STXBP5L: variants seen among roughly 807,000 people sequenced by gnomAD.
STXBP5L encodes the protein syntaxin binding protein 5L.
A neutral mutation model predicts 144.5 loss-of-function variants in STXBP5L; 65 were observed. The observed-to-expected ratio is 0.45, with a 90% CI of 0.37 to 0.55. STXBP5L has a LOEUF of 0.55. Ranked by LOEUF, STXBP5L falls within the 20% of genes least tolerant of loss-of-function variation. The pLI, the probability that STXBP5L is intolerant of heterozygous loss-of-function variation, is 0.00. For missense variants in STXBP5L, 1,298 were observed against 1,405.5 expected (o/e 0.92, Z 1.22); for synonymous variants, 505 against 469.6 (o/e 1.08, Z -0.97).
At chr3:121,304,093 A>C (rs530602076) in intron 19 of STXBP5L, among the ~76,000 whole-genome samples, 17 of 152,258 alleles carry the variant, frequency 1.1e-4, no homozygotes, top group Non-Finnish European at 2.1e-4. Flanking sequence ...ATCCCCAAAA[A>C]AGCTGATATG....
intron 5 of STXBP5L, chr3:121,099,238 C>A (rs986433995): frequency 6.6e-6 from 1 of 152,166 alleles, no homozygotes; most frequent in African/African-American, 2.4e-5. Flanking sequence ...GTTCAGTGAA[C>A]TTTTATGATA....
chr3:121,148,455 C>G (rs1250488776), intron 7 of STXBP5L, among the ~76,000 whole-genome samples: 1 of 152,094 alleles, frequency 6.6e-6, no homozygotes, highest in Non-Finnish European at 1.5e-5. Context: ...TCTCTTGGTA[C>G]ACTAGGGAAA....
chr3:121,072,091 A>G (rs1207737399), intron 5 of STXBP5L, among the ~76,000 whole-genome samples: 3 of 152,184 alleles, frequency 2.0e-5, no homozygotes, highest in African/African-American at 7.2e-5. Flanking sequence ...TATTTCTGTC[A>G]CAAATGCTGG....
At chr3:120,990,658 C>G (rs193141053) in intron 3 of STXBP5L, among the ~76,000 whole-genome samples, 15,098 of 151,990 alleles carry the variant, frequency 0.099, 1,181 homozygotes, top group Admixed American at 0.2. Flanking sequence ...CAGAACAGAG[C>G]CCTCAGAAAT....
intron 20 of STXBP5L, among the ~76,000 whole-genome samples, chr3:121,362,446 A>AGT (rs1576288201): frequency 6.6e-6 from 1 of 152,136 alleles, no homozygotes; most frequent in East Asian, 1.9e-4. Flanking sequence ...CTCAAAACAC[A>AGT]AGACAGAGTC....
At chr3:121,081,020 C>T (rs2042226368) in intron 5 of STXBP5L, among the ~76,000 whole-genome samples, 1 of 152,104 alleles carries the variant, frequency 6.6e-6, no homozygotes. Flanking sequence ...GGCTGTTTAA[C>T]ATAATCTCAT....
intron 10 of STXBP5L, among the ~76,000 whole-genome samples, chr3:121,222,089 C>T (rs990891214): frequency 2.0e-5 from 3 of 151,890 alleles, no homozygotes; most frequent in African/African-American, 7.2e-5. Context: ...ACAATAAAAG[C>T]CTCTAGGTCT....
rs192519847 is a variant in STXBP5L, at chr3:121,275,859, G to C, written c.1959-3946G>C. On this transcript the variant is annotated intron_variant, in intron 18 of 26. Coordinates refer to ENST00000471454, the MANE Select transcript of STXBP5L (RefSeq NM_001308330.2). Reference sequence around the variant, plus strand: ...TCGTTTCAGCATTTTTTAAATTAGTGTTTTCATTGTAAATGTTTTCCATCA... The same window carrying C: ...TCGTTTCAGCATTTTTTAAATTAGTCTTTTCATTGTAAATGTTTTCCATCA... 2.0e-3 allele frequency among the ~76,000 whole-genome samples: 304 copies of C among 152,042 alleles called. 2 individuals carry two copies. Among genetic ancestry groups the C allele is most frequent in the Middle Eastern group, 0.014 (4 of 294 alleles).
chr3:120,968,446 C>A (rs1229185824), intron 3 of STXBP5L, among the ~76,000 whole-genome samples: 1 of 152,052 alleles, frequency 6.6e-6, no homozygotes, highest in Admixed American at 6.6e-5. Flanking sequence ...CTTCCATTTG[C>A]ATGTAATATC....
At chr3:121,002,121 T>A (rs953137199) in intron 3 of STXBP5L, among the ~76,000 whole-genome samples, 1 of 152,194 alleles carries the variant, frequency 6.6e-6, no homozygotes, top group Non-Finnish European at 1.5e-5. Flanking sequence ...TATTTGAGGA[T>A]CCTTTTTACT....
intron 22 of STXBP5L, among the ~76,000 whole-genome samples, chr3:121,386,243 C>T (rs2046423426): frequency 6.6e-6 from 1 of 152,088 alleles, no homozygotes. Flanking sequence ...TTGGAGTTAC[C>T]AGTATCTCTT....
At chr3:121,279,625 A>G (rs533572573) in intron 18 of STXBP5L, among the ~76,000 whole-genome samples, 180 bp from the exon 19 acceptor site, 1 of 152,002 alleles carries the variant, frequency 6.6e-6, no homozygotes, top group South Asian at 2.1e-4. Context: ...TTGTATGCCT[A>G]TTATACGAAG....
At chr3:121,083,208 C>A (rs1309718231) in intron 5 of STXBP5L, among the ~76,000 whole-genome samples, 2 of 151,484 alleles carry the variant, frequency 1.3e-5, no homozygotes, top group African/African-American at 2.4e-5. Flanking sequence ...AAAAAAACAA[C>A]CAAAAAAACA....
intron 3 of STXBP5L, among the ~76,000 whole-genome samples, chr3:120,960,684 C>G (rs976113063): frequency 4.6e-5 from 7 of 151,910 alleles, no homozygotes; most frequent in Admixed American, 3.3e-4. Flanking sequence ...ACCGCGTGTT[C>G]TCACTCATAG....
intron 6 of STXBP5L, among the ~76,000 whole-genome samples, chr3:121,121,079 C>A (rs61796876): frequency 0.023 from 3,405 of 151,196 alleles, 59 homozygotes; most frequent in Non-Finnish European, 0.03. Flanking sequence ...TACTAAATAA[C>A]CTGATAAGTG....
chr3:121,303,794 T>C (rs2052029051), intron 19 of STXBP5L, among the ~76,000 whole-genome samples: 1 of 151,612 alleles, frequency 6.6e-6, no homozygotes, highest in African/African-American at 2.4e-5. Context: ...AACCAAACAC[T>C]ACATATTCTC....
intron 7 of STXBP5L, among the ~76,000 whole-genome samples, chr3:121,127,430 A>G (rs1024140104): frequency 1.7e-4 from 26 of 151,970 alleles, no homozygotes; most frequent in Non-Finnish European, 7.4e-5. Context: ...TGAAGACTCT[A>G]GGGGAGACTT....
intron 3 of STXBP5L, among the ~76,000 whole-genome samples, chr3:121,012,639 T>A (rs145083444): frequency 1.7e-4 from 26 of 151,944 alleles, no homozygotes; most frequent in Middle Eastern, 3.4e-3. Context: ...TAGAGAAATG[T>A]CGATTTAAAT....
intron 11 of STXBP5L, among the ~76,000 whole-genome samples, chr3:121,232,135 TAAC>T (rs1324614042): frequency 6.6e-6 from 1 of 152,184 alleles, no homozygotes; most frequent in African/African-American, 2.4e-5. Context: ...TGAGTGGTCT[TAAC>T]AACATAAACA....
Sources: allele counts gnomAD v4.1 joint callset (sites outside exome capture counted in the v4.1 genomes callset), GRCh38; gene constraint gnomAD v4.1.1; transcripts MANE v1.5; gene names NCBI Gene and HGNC (gene_info 2026-07-23, HGNC 2026-07-21).